Variants in BCAT2 observed in about 807,000 individuals in gnomAD.
The protein encoded by BCAT2 is branched-chain-amino-acid aminotransferase, mitochondrial.
Under a neutral mutation model 52.9 loss-of-function variants are expected in BCAT2, and 44 were observed. That is an observed-to-expected ratio of 0.83 (90% CI 0.65 to 1.07). The LOEUF (loss-of-function observed/expected upper bound fraction) is 1.07. BCAT2 is among the 50% of genes least tolerant of loss of function. BCAT2 has a pLI of 0.00. For synonymous variants in BCAT2, 215 were observed against 217.1 expected (o/e 0.99, Z 0.08); for missense variants, 478 against 521.8 (o/e 0.92, Z 0.82).
Position 48,806,579 on chromosome 19 carries a change from T to C in BCAT2, c.238A>G (p.Ile80Val), listed in dbSNP as rs201626538. ...AGCGTGAGGTTCTGGAAGGGCTGGA[T>C]TCGGGGCTGGCCCCAGCCCTTGTCA... ...WNDKGWGQPR[I>V]QPFQNLTLHP... The change falls in exon 3 of 11, where the codon ATC becomes GTC. Residue 80 changes from isoleucine to valine, a missense_variant. By Grantham distance (29) the Ile-to-Val change is conservative. Transcript: ENST00000316273. 4 of 1,614,080 alleles carry C rather than the reference T, an allele frequency of 2.5e-6. No homozygotes were observed. Among genetic ancestry groups the C allele is most frequent in the Middle Eastern group, 1.7e-4 (1 of 6,056 alleles).
chr19:48,806,500 G>A lies in BCAT2; in HGVS notation c.300+17C>T, dbSNP rs945249685. 1.2e-6 allele frequency: 2 copies of A among 1,613,012 alleles called. No homozygotes were observed. The highest frequency in any genetic ancestry group is 1.7e-6 in the Non-Finnish European group (2 of 1,179,866). On this transcript the variant is annotated intron_variant, in intron 3 of 10. Transcript: ENST00000316273. ...GATGCAGACAGGGACAGGGAGAGAG[G>A]CCGGCCGCCATGCCACCTGCAGGGA...
At chr19:48,797,442 C>T (rs2034552527) in intron 6 of BCAT2, 109 bp from the exon 7 acceptor site, 2 of 1,367,160 alleles carry the variant, frequency 1.5e-6, no homozygotes, top group Non-Finnish European at 2.0e-6. Flanking sequence ...TCACAGCTCT[C>T]ACAGGGCTCC....
In BCAT2 at chr19:48,795,395, G is replaced by C; in HGVS notation, c.*31C>G. On this transcript the variant is annotated 3_prime_UTR_variant, in exon 11 of 11. Coordinates refer to ENST00000316273, the MANE Select transcript of BCAT2 (RefSeq NM_001190.4). Reference sequence around the variant, plus strand: ...AGTGCTGGCGTGACGAGATGCTACGGGTCGGTGGATCTGGAGCACAGCCTG... The same window carrying C: ...AGTGCTGGCGTGACGAGATGCTACGCGTCGGTGGATCTGGAGCACAGCCTG... 6.2e-7 allele frequency: 1 copy of C among 1,613,770 alleles called. No homozygotes were observed. Among genetic ancestry groups the C allele is most frequent in the Non-Finnish European group, 8.5e-7 (1 of 1,179,918 alleles).
intron 10 of BCAT2, chr19:48,796,206 C>G (rs1568504386): frequency 3.3e-6 from 2 of 604,282 alleles, no homozygotes; most frequent in Non-Finnish European, 5.8e-6. Flanking sequence ...GAAGACATAT[C>G]CAGGGCTCCG....
intron 3 of BCAT2, among the ~76,000 whole-genome samples, chr19:48,804,166 T>TAAAC (rs910084753): frequency 6.6e-6 from 1 of 151,338 alleles, no homozygotes; most frequent in African/African-American, 2.4e-5. Flanking sequence ...CATAAATAAA[T>TAAAC]AAACAAACAA....
At chr19:48,797,124 A>G in intron 7 of BCAT2, 67 bp downstream of exon 7, 20 of 1,607,442 alleles carry the variant, frequency 1.2e-5, no homozygotes, top group Non-Finnish European at 1.6e-5. Flanking sequence ...TGGGGCCTGT[A>G]ACCTGCCAGG....
At chr19:48,806,236 T>C (rs2122690298) in intron 3 of BCAT2, among the ~76,000 whole-genome samples, 1 of 150,426 alleles carries the variant, frequency 6.6e-6, no homozygotes, top group East Asian at 2.0e-4. Flanking sequence ...GCTGGGGGTC[T>C]CTACTGGCCT....
chr19:48,808,071 C>CGT, intron 1 of BCAT2: 1 of 987,232 alleles, frequency 1.0e-6, no homozygotes, highest in Non-Finnish European at 1.2e-6. Flanking sequence ...GGAAGATGGA[C>CGT]GTGAATGGGC....
chr19:48,806,227 C>A (rs2034775857), intron 3 of BCAT2, among the ~76,000 whole-genome samples: 1 of 150,156 alleles, frequency 6.7e-6, no homozygotes, highest in Admixed American at 6.7e-5. Context: ...TCAAGTGAGG[C>A]TGGGGGTCTC....
At chr19:48,797,076 G>T in intron 7 of BCAT2, 54 bp from the exon 8 acceptor site, 1 of 1,610,804 alleles carries the variant, frequency 6.2e-7, no homozygotes, top group Non-Finnish European at 8.5e-7. Flanking sequence ...TAGCACCGCC[G>T]TCTTAAGAGC....
chr19:48,797,147 A>G (rs2034543513), intron 7 of BCAT2, 44 bp downstream of exon 7: 1 of 1,610,408 alleles, frequency 6.2e-7, no homozygotes. Context: ...TGATGGTGCC[A>G]CCCACTTCCA....
chr19:48,795,538 G>T, intron 10 of BCAT2, 74 bp from the exon 11 acceptor site: 1 of 1,555,672 alleles, frequency 6.4e-7, no homozygotes. Context: ...GGTGTTCCAG[G>T]CCGAGTGCCT....
chr19:48,802,010 C>T (rs868352909), intron 3 of BCAT2, among the ~76,000 whole-genome samples: 1 of 151,734 alleles, frequency 6.6e-6, no homozygotes, highest in Non-Finnish European at 1.5e-5. Flanking sequence ...AACTCCTGAG[C>T]TCAAGCAATC....
chr19:48,808,535 T>C (rs970463212), intron 1 of BCAT2, among the ~76,000 whole-genome samples: 2 of 151,984 alleles, frequency 1.3e-5, no homozygotes, highest in African/African-American at 2.4e-5. Flanking sequence ...GGCAGGAGGA[T>C]AGCTTGAGGC....
chr19:48,807,139 C>G lies in BCAT2; in HGVS notation c.25-65G>C. 7.2e-7 allele frequency: 1 copy of G among 1,385,850 alleles called. No homozygotes were observed. The highest frequency in any genetic ancestry group is 1.0e-6 in the Non-Finnish European group (1 of 997,422). The allele number at this position is 1,385,850 out of a possible 1,614,324, so 85.8% of individuals were successfully genotyped here. ...ACAGCAGGGGCCCTGGCAGCTCGCT[C>G]GCCACCTCCTGCACTTGGAGGTCCC... On this transcript the variant is annotated intron_variant, in intron 1 of 10. Transcript: ENST00000316273. This position sits in a 1 kb window ranked among gnomAD's most constrained non-coding sequence, Gnocchi z 4.6.
At chr19:48,795,658 G>GACA (rs2034493286) in intron 10 of BCAT2, among the ~76,000 whole-genome samples, 194 bp from the exon 11 acceptor site, 6 of 152,158 alleles carry the variant, frequency 3.9e-5, no homozygotes, top group Non-Finnish European at 5.9e-5. Flanking sequence ...GCTTCCGGGA[G>GACA]ATGTAGTTCT....
At position 48,796,577 on chromosome 19, in the gene BCAT2, C is replaced by A; in HGVS notation, c.1065+1G>T. On this transcript the variant is annotated splice_donor_variant, in intron 9 of 10. Coordinates refer to ENST00000316273, the MANE Select transcript of BCAT2 (RefSeq NM_001190.4). LOFTEE classifies it high-confidence loss of function. ...CACCCACAATGGCAGCCCCGCCTCA[C>A]CCTGTCTTTGTACAGGATTCGGTGC... is the stretch of plus-strand genomic sequence containing the variant. 6.2e-7 allele frequency: 1 copy of A among 1,612,742 alleles called. No homozygotes were observed. Among genetic ancestry groups the A allele is most frequent in the Non-Finnish European group, 8.5e-7 (1 of 1,179,670 alleles).
chr19:48,805,159 C>G (rs2034739272), intron 3 of BCAT2, among the ~76,000 whole-genome samples: 1 of 152,152 alleles, frequency 6.6e-6, no homozygotes, highest in Non-Finnish European at 1.5e-5. Flanking sequence ...CTTGTCTCAA[C>G]CAAAGTTTCC....
intron 3 of BCAT2, among the ~76,000 whole-genome samples, chr19:48,804,662 C>A (rs1048965306): frequency 7.9e-5 from 12 of 152,284 alleles, no homozygotes; most frequent in African/African-American, 2.6e-4. Flanking sequence ...CTCATCCTCC[C>A]CCTTCCGCCC....
Sources: allele counts gnomAD v4.1 joint callset (sites outside exome capture counted in the v4.1 genomes callset), GRCh38; gene constraint gnomAD v4.1.1; non-coding constraint Gnocchi (gnomAD v3.1); transcripts MANE v1.5; gene names NCBI Gene and HGNC (gene_info 2026-07-23, HGNC 2026-07-21).